The following ABCF3 variants were observed in gnomAD, a reference collection of about 807,000 sequenced individuals.
ABCF3 encodes the protein ATP-binding cassette sub-family F member 3.
In ABCF3, 62 loss-of-function variants were observed where a neutral mutation model predicts 94.3. That is an observed-to-expected ratio of 0.66 (90% confidence interval 0.54 to 0.81). The LOEUF is 0.81. ABCF3 is among the 40% of genes least tolerant of loss of function. The probability of loss-of-function intolerance (pLI) is 0.00; values close to 1 mark genes in which losing one functional copy is unlikely to be tolerated. For synonymous variants in ABCF3, 355 were observed against 361.1 expected, an observed-to-expected ratio of 0.98 and a Z score of 0.19; for missense variants, 843 against 925.3, an observed-to-expected ratio of 0.91 and a Z score of 1.15.
At chr3:184,186,314 C>G in intron 1 of ABCF3, 34 bp downstream of exon 1, 1 of 1,613,178 alleles carries the variant, frequency 6.2e-7, no homozygotes, top group South Asian at 1.1e-5. Context: ...CTGGGGAGAC[C>G]GAAGTGGAGG....
At position 184,189,132 on chromosome 3, in the gene ABCF3, C is replaced by T; in HGVS notation, c.1022C>T (p.Ala341Val). Reference protein sequence around the residue: ...GWRMRLALARALFARPDLLLL... With the variant: ...GWRMRLALARVLFARPDLLLL... ...AGGATGAGGCTGGCCCTGGCCCGGG[C>T]CCTCTTTGCTAGGTGAGTCTCCTGG... Residue 341 changes from alanine to valine, a missense_variant, in exon 10 of 21, where the codon GCC (alanine) becomes GTC (valine). Transcript: ENST00000429586. The T allele has an allele frequency of 6.2e-7, 1 of 1,614,188 alleles. No homozygotes were observed. The highest frequency in any genetic ancestry group is 2.2e-5 in the East Asian group (1 of 44,876).
At position 184,193,352 on chromosome 3, in the gene ABCF3, T is replaced by C; in HGVS notation, c.1884-13T>C. On this transcript the variant is annotated splice_polypyrimidine_tract_variant and intron_variant, in intron 19 of 20. Coordinates refer to ENST00000429586, the MANE Select transcript of ABCF3 (RefSeq NM_018358.3). The surrounding 1 kb of genome is among the most constrained non-coding windows in gnomAD (Gnocchi z 5.2). ...ACCCCTTCACTGCCCACCTTCCTGG[T>C]TCTGCCTTCCAGCCCCAACTTCTAC... 2 of 1,614,144 alleles carry C rather than the reference T, an allele frequency of 1.2e-6. No individual in the cohort carries two copies. Among genetic ancestry groups the C allele is most frequent in the Non-Finnish European group, 1.7e-6 (2 of 1,179,994 alleles).
In ABCF3 at chr3:184,188,767, G is replaced by C. The variant is rs765043602; in HGVS notation, c.843G>C (p.Glu281Asp). The change falls in exon 8 of 21, where the codon GAG becomes GAC. Residue 281 changes from glutamate to aspartate, a missense_variant. By Grantham distance (45) the Glu-to-Asp change is conservative. Transcript: ENST00000429586. Reference protein sequence around the residue: ...LTAQIAAGRAEGSEAAELAEI... With the variant: ...LTAQIAAGRADGSEAAELAEI... ...CTGTTTCTCCTCCCTCCAGGGCGGA[G>C]GGCTCTGAAGCTGCAGAGCTGGCAG... 2 of 1,613,768 alleles carry C rather than the reference G, an allele frequency of 1.2e-6. No individual in the cohort carries two copies. The highest frequency in any genetic ancestry group is 3.3e-5 in the Admixed American group (2 of 60,008).
In ABCF3 at chr3:184,189,547, G is replaced by A; in HGVS notation, c.1114-10G>A. ...TCCCAAACCGGGCCTGCTGTCCTGT[G>A]ACCCCTCAGACGTGGCCCTCCACCA... On this transcript the variant is annotated splice_polypyrimidine_tract_variant and intron_variant, in intron 12 of 20. Transcript: ENST00000429586. 6.2e-7 allele frequency: 1 copy of A among 1,613,958 alleles called. No individual in the cohort carries two copies. Among genetic ancestry groups the A allele is most frequent in the Non-Finnish European group, 8.5e-7 (1 of 1,180,018 alleles).
rs766606565 is a variant in ABCF3, at chr3:184,187,938, C to T, written c.524C>T (p.Ser175Phe). The T allele has an allele frequency of 1.2e-6, 2 of 1,613,644 alleles. No individual in the cohort carries two copies. The highest frequency in any genetic ancestry group is 1.7e-6 in the Non-Finnish European group (2 of 1,179,782). Residue 175 changes from serine to phenylalanine, a missense_variant, in exon 6 of 21, where the codon TCC (serine) becomes TTC (phenylalanine). Ser to Phe is a radical substitution (Grantham distance 155). Transcript: ENST00000429586. ...SRLESSGKNK[S>F]YDVRIENFDV... Reference sequence around the variant, plus strand: ...TTGGAATCATCTGGCAAGAACAAATCCTATGATGTGCGAATTGAGAACTTT... The same window carrying T: ...TTGGAATCATCTGGCAAGAACAAATTCTATGATGTGCGAATTGAGAACTTT...
At chr3:184,188,056 G>T in intron 6 of ABCF3, 73 bp downstream of exon 6, 1 of 1,612,314 alleles carries the variant, frequency 6.2e-7, no homozygotes, top group South Asian at 1.1e-5. Flanking sequence ...GTGAAACGGG[G>T]CTATAAACAA....
intron 7 of ABCF3, 119 bp from the exon 8 acceptor site, chr3:184,188,642 C>CT: frequency 8.8e-7 from 1 of 1,130,806 alleles, no homozygotes; most frequent in Non-Finnish European, 1.3e-6. Flanking sequence ...CAAACCCTTC[C>CT]TGTATTCTCT....
At position 184,191,219 on chromosome 3, in the gene ABCF3, C is replaced by T. The variant is rs751361952; in HGVS notation, c.1533C>T (p.Leu511=). ...CGAAGCACGTCATCTTCAGTCGCCT[C>T]TCTGTGTCTGCTGATCTCGAGTCTC... ...YDPKHVIFSR[L]SVSADLESRI... is the part of the protein sequence containing the mutation. The change falls in exon 16 of 21, where the codon CTC becomes CTT. Residue 511 remains leucine, a synonymous_variant. Coordinates refer to ENST00000429586, the MANE Select transcript of ABCF3 (RefSeq NM_018358.3). The T allele has an allele frequency of 4.3e-6, 7 of 1,614,114 alleles. No individual in the cohort carries two copies. In the African/African-American group the frequency reaches 6.7e-5, roughly 15 times the overall value.
rs1477037260 is a variant in ABCF3, at chr3:184,188,342, T to G, written c.771T>G (p.Ser257Arg). Residue 257 changes from serine to arginine, a missense_variant, in exon 7 of 21, where the codon AGT (serine) becomes AGG (arginine). By Grantham distance (110) the Ser-to-Arg change is moderately radical. Transcript: ENST00000429586. The stretch of plus-strand genomic sequence containing the variant: ...CTGCCCTGCAGAGTGTGCTGGAGAG[T>G]GACAGTGTGCGAGAGGATTTGCTAC... ...DTPALQSVLE[S>R]DSVREDLLRR... 2 of 1,613,790 alleles carry G rather than the reference T, an allele frequency of 1.2e-6. No individual in the cohort carries two copies. The highest frequency in any genetic ancestry group is 1.7e-6 in the Non-Finnish European group (2 of 1,179,974).
rs968120242 is a variant in ABCF3, at chr3:184,193,819, A to G, written c.*121A>G. On this transcript the variant is annotated 3_prime_UTR_variant, in exon 21 of 21. Transcript: ENST00000429586. This position sits in a 1 kb window ranked among gnomAD's most constrained non-coding sequence, Gnocchi z 5.2. Reference sequence around the variant, plus strand: ...AACTTGGGGACAGCCTTATTCCCAAATGTCTCTATCCTTTTGACTGGAGCA... The same window carrying G: ...AACTTGGGGACAGCCTTATTCCCAAGTGTCTCTATCCTTTTGACTGGAGCA... The G allele has an allele frequency of 9.0e-6, 11 of 1,216,294 alleles. No individual in the cohort carries two copies. The South Asian group carries it at 1.1e-4, about 12-fold the overall frequency. 75.3% of individuals were successfully genotyped at this position (1,216,294 alleles called of 1,614,324 possible). A position where few individuals can be genotyped will look rare whatever the true frequency, so the allele number is the denominator to read the frequency against.
intron 2 of ABCF3, 53 bp from the exon 3 acceptor site, chr3:184,186,743 T>C: frequency 6.3e-7 from 1 of 1,598,528 alleles, no homozygotes; most frequent in South Asian, 1.1e-5. Context: ...CTGATGGCCA[T>C]AGAGCTTTTC....
rs772091813 is a variant in ABCF3 at position 184,189,271 on chromosome 3, T to C, written c.1051T>C (p.Leu351=). Reference sequence around the variant, plus strand: ...TTTTCATAGGCCAGATCTTCTGCTGTTAGATGGTGAGTTTGAAATGGGGCA... The same window carrying C: ...TTTTCATAGGCCAGATCTTCTGCTGCTAGATGGTGAGTTTGAAATGGGGCA... The part of the protein sequence containing the change: ...ALFARPDLLL[L]DEPTNMLDVR... The change falls in exon 11 of 21, where the codon TTA becomes CTA. Residue 351 remains leucine (L), a synonymous_variant. Coordinates refer to ENST00000429586, the MANE Select transcript of ABCF3 (RefSeq NM_018358.3). The C allele has an allele frequency of 1.4e-5, 23 of 1,614,054 alleles. No individual in the cohort carries two copies. The highest frequency in any genetic ancestry group is 1.9e-5 in the Non-Finnish European group (22 of 1,180,048).
intron 3 of ABCF3, 161 bp downstream of exon 3, chr3:184,187,036 T>A: frequency 1.3e-6 from 1 of 750,228 alleles, no homozygotes; most frequent in Non-Finnish European, 2.1e-6. Context: ...ATGATGGGGG[T>A]GGGGAGGAGG....
rs777824805 is a variant in ABCF3 at position 184,188,249 on chromosome 3, G to C, written c.678G>C (p.Arg226=). The change falls in exon 7 of 21, where the codon CGG becomes CGC. Residue 226 remains arginine (R), a synonymous_variant. Coordinates refer to ENST00000429586, the MANE Select transcript of ABCF3 (RefSeq NM_018358.3). Reference sequence around the variant, plus strand: ...CGTTACTGAAGATGCTGGCCACCCGGAGTCTGCGGGTTCCAGCCCACATTT... The same window carrying C: ...CGTTACTGAAGATGCTGGCCACCCGCAGTCTGCGGGTTCCAGCCCACATTT... ...KTTLLKMLAT[R]SLRVPAHISL... 1.2e-6 allele frequency: 2 copies of C among 1,614,186 alleles called. No homozygotes were observed. Among genetic ancestry groups the C allele is most frequent in the Admixed American group, 3.3e-5 (2 of 60,030 alleles).
Position 184,188,368 on chromosome 3 carries a change from G to C in ABCF3, c.797G>C (p.Arg266Pro), listed in dbSNP as rs369613863. 6.2e-7 allele frequency: 1 copy of C among 1,612,632 alleles called. No homozygotes were observed. The highest frequency in any genetic ancestry group is 8.5e-7 in the Non-Finnish European group (1 of 1,179,504). The change falls in exon 7 of 21, where the codon CGG (arginine) becomes CCG (proline). Residue 266 changes from arginine to proline, a missense_variant. Coordinates refer to ENST00000429586, the MANE Select transcript of ABCF3 (RefSeq NM_018358.3). ...ESDSVREDLL[R>P]RERELTAQIA... Reference sequence around the variant, plus strand: ...GACAGTGTGCGAGAGGATTTGCTACGGAGGGAGCGGGAGCTCACTGCCCAG... The same window carrying C: ...GACAGTGTGCGAGAGGATTTGCTACCGAGGGAGCGGGAGCTCACTGCCCAG...
At position 184,187,734 on chromosome 3, in the gene ABCF3, A is replaced by G. The variant is rs1036329869; in HGVS notation, c.419A>G (p.Lys140Arg). Reference sequence around the variant, plus strand: ...GCAAAGCAGGAGAAGCGCTCAGAGAAGGACACGCTCAAGACCAGCAACCCT... The same window carrying G: ...GCAAAGCAGGAGAAGCGCTCAGAGAGGGACACGCTCAAGACCAGCAACCCT... ...LKAKQEKRSE[K>R]DTLKTSNPLV... Residue 140 changes from lysine to arginine, a missense_variant, in exon 5 of 21, where the codon AAG becomes AGG. Physicochemically the swap from Lys to Arg is conservative, Grantham distance 26. Coordinates refer to ENST00000429586, the MANE Select transcript of ABCF3 (RefSeq NM_018358.3). 2.5e-6 allele frequency: 4 copies of G among 1,614,120 alleles called. No individual in the cohort carries two copies. Among genetic ancestry groups the G allele is most frequent in the African/African-American group, 2.7e-5 (2 of 74,944 alleles).
In ABCF3 at chr3:184,189,866, C is replaced by A; in HGVS notation, c.1326C>A (p.Asp442Glu). 1 of 1,614,222 alleles carries A rather than the reference C, an allele frequency of 6.2e-7. No homozygotes were observed. Among genetic ancestry groups the A allele is most frequent in the East Asian group, 2.2e-5 (1 of 44,884 alleles). ...TCCTCCACCTGCAGGTTTTCATTGA[C>A]CGGTTTCGCTACAATGCCAACAGGG... is the stretch of plus-strand genomic sequence containing the variant. ...QYRQHIQVFI[D>E]RFRYNANRAS... The change falls in exon 14 of 21, where the codon GAC becomes GAA. Residue 442 changes from aspartate to glutamate, a missense_variant. By Grantham distance (45) the Asp-to-Glu change is conservative (BLOSUM62 2). Transcript: ENST00000429586.
Position 184,187,711 on chromosome 3 carries a change from A to G in ABCF3, c.396A>G (p.Ala132=), listed in dbSNP as rs1577065841. 6.2e-7 allele frequency: 1 copy of G among 1,614,250 alleles called. No homozygotes were observed. The highest frequency in any genetic ancestry group is 8.5e-7 in the Non-Finnish European group (1 of 1,180,048). Residue 132 remains alanine, a synonymous_variant, in exon 5 of 21, where the codon GCA becomes GCG. Coordinates refer to ENST00000429586, the MANE Select transcript of ABCF3 (RefSeq NM_018358.3). ...KLEKAEARLK[A]KQEKRSEKDT... ...AGAAGGCCGAGGCTCGACTTAAGGC[A>G]AAGCAGGAGAAGCGCTCAGAGAAGG...
chr3:184,193,911 T>G lies in ABCF3; in HGVS notation c.*213T>G. On this transcript the variant is annotated 3_prime_UTR_variant, in exon 21 of 21. Transcript: ENST00000429586. This position sits in a 1 kb window ranked among gnomAD's most constrained non-coding sequence, Gnocchi z 5.2. ...GACTGGTCTCCCGGGGGTGGGGGTC[T>G]GGGGGGTACCCTCTGGGGTTATAGA... is the stretch of plus-strand genomic sequence containing the variant. The G allele has an allele frequency of 1.7e-6, 1 of 605,668 alleles. No homozygotes were observed. The allele number at this position is 605,668 out of a possible 1,614,324, so 37.5% of individuals were successfully genotyped here. A position where few individuals can be genotyped will look rare whatever the true frequency, so the allele number is the denominator to read the frequency against.
Sources: allele counts gnomAD v4.1 joint callset, GRCh38; gene constraint gnomAD v4.1.1; non-coding constraint Gnocchi (gnomAD v3.1); transcripts MANE v1.5; gene names NCBI Gene and HGNC (gene_info 2026-07-23, HGNC 2026-07-21).